FBXL17: variants seen among roughly 807,000 people sequenced by gnomAD.
FBXL17 encodes the protein F-box and leucine rich repeat protein 17.
A neutral mutation model predicts 66.2 loss-of-function variants in FBXL17; 22 were observed. The observed-to-expected ratio is 0.33, with a 90% CI of 0.24 to 0.47. FBXL17 has a LOEUF of 0.47. FBXL17 is among the 20% of genes least tolerant of loss of function. The pLI is 1.00. For missense variants in FBXL17, 878 were observed against 948.2 expected (o/e 0.93, Z 0.97); for synonymous variants, 474 against 400.5 (o/e 1.18, Z -2.19).
At chr5:108,134,952 A>G (rs1751077951) in intron 6 of FBXL17, among the ~76,000 whole-genome samples, 1 of 152,134 alleles carries the variant, frequency 6.6e-6, no homozygotes, top group Non-Finnish European at 1.5e-5. Flanking sequence ...TAATGATGAC[A>G]TCTTCTAAAT....
chr5:108,021,199 T>C (rs1754586827), intron 6 of FBXL17, among the ~76,000 whole-genome samples, 198 bp from the exon 7 acceptor site: 2 of 151,700 alleles, frequency 1.3e-5, no homozygotes, highest in Non-Finnish European at 3.0e-5. Context: ...TTATGACTAG[T>C]GCATCTTTTA....
At chr5:108,205,043 T>C (rs1754059040) in intron 5 of FBXL17, among the ~76,000 whole-genome samples, 2 of 152,002 alleles carry the variant, frequency 1.3e-5, no homozygotes, top group East Asian at 3.9e-4. Flanking sequence ...TCCAAGCAGC[T>C]AGGACCATAG....
Position 108,348,533 on chromosome 5 carries a change from G to A in FBXL17, c.1375-3C>T. 6.2e-7 allele frequency: 1 copy of A among 1,608,932 alleles called. No homozygotes were observed. Among genetic ancestry groups the A allele is most frequent in the Non-Finnish European group, 8.5e-7 (1 of 1,176,440 alleles). Reference sequence around the variant, plus strand: ...AGTTCTCTGCATTTTGAGCCCAGCTGTAAACAAACAGATTTAGCTGAATGC... The same window carrying A: ...AGTTCTCTGCATTTTGAGCCCAGCTATAAACAAACAGATTTAGCTGAATGC... On this transcript the variant is annotated splice_polypyrimidine_tract_variant and splice_region_variant and intron_variant, in intron 3 of 8. Transcript: ENST00000542267.
chr5:107,943,210 T>C (rs944473350), intron 7 of FBXL17, among the ~76,000 whole-genome samples: 4 of 152,164 alleles, frequency 2.6e-5, no homozygotes, highest in African/African-American at 4.8e-5. Context: ...TCCTAAGCTT[T>C]AGAGACATAA....
At chr5:107,898,225 G>A (rs749941518) in intron 7 of FBXL17, among the ~76,000 whole-genome samples, 8 of 152,106 alleles carry the variant, frequency 5.3e-5, no homozygotes, top group Non-Finnish European at 1.2e-4. Context: ...AATGGTGGAA[G>A]AAGAATTGGT....
intron 6 of FBXL17, among the ~76,000 whole-genome samples, chr5:108,062,602 T>C (rs1295807840): frequency 1.3e-5 from 2 of 152,176 alleles, no homozygotes; most frequent in African/African-American, 2.4e-5. Context: ...ATTAAATATA[T>C]AAACTTCCTA....
intron 3 of FBXL17, among the ~76,000 whole-genome samples, chr5:108,356,854 T>C (rs1304557156): frequency 6.6e-6 from 1 of 152,070 alleles, no homozygotes; most frequent in Non-Finnish European, 1.5e-5. Context: ...TGAAGATTTA[T>C]TGATTATAAT....
chr5:107,946,680 T>G (rs1259255117), intron 7 of FBXL17, among the ~76,000 whole-genome samples: 1 of 151,992 alleles, frequency 6.6e-6, no homozygotes, highest in Non-Finnish European at 1.5e-5. Context: ...TGCATAATTT[T>G]TGGGCTGGAG....
rs1453302875 is a variant in FBXL17 at position 108,198,143 on chromosome 5, G to C, written c.1615-11896C>G. 5.9e-5 allele frequency among the ~76,000 whole-genome samples: 9 copies of C among 152,196 alleles called. No individual in the cohort carries two copies. In the South Asian group the frequency reaches 1.9e-3, roughly 32 times the overall value. On this transcript the variant is annotated intron_variant, in intron 5 of 8. Coordinates refer to ENST00000542267, the MANE Select transcript of FBXL17 (RefSeq NM_001163315.3). ...AGGCCCCCGTCAACAGGTCCCTATG[G>C]CTTCTCTCTGTAGAAGAGGTTTACT...
chr5:108,162,439 T>C (rs985759270), intron 6 of FBXL17, among the ~76,000 whole-genome samples: 1 of 152,202 alleles, frequency 6.6e-6, no homozygotes, highest in Admixed American at 6.5e-5. Context: ...AAGGTTACAG[T>C]GACGTATGTC....
At chr5:108,292,605 G>A (rs1758158911) in intron 4 of FBXL17, among the ~76,000 whole-genome samples, 2 of 152,074 alleles carry the variant, frequency 1.3e-5, no homozygotes, top group Admixed American at 6.5e-5. Context: ...CTAGCTGAGG[G>A]ATCATGACCT....
At chr5:108,277,334 A>G (rs932144627) in intron 4 of FBXL17, among the ~76,000 whole-genome samples, 4 of 152,158 alleles carry the variant, frequency 2.6e-5, no homozygotes, top group Non-Finnish European at 5.9e-5. Flanking sequence ...ATGAGAGTGT[A>G]TTGGATTTAT....
intron 7 of FBXL17, among the ~76,000 whole-genome samples, chr5:107,883,483 G>A (rs1022227550): frequency 1.3e-5 from 2 of 151,970 alleles, no homozygotes; most frequent in Non-Finnish European, 2.9e-5. Flanking sequence ...GGGTGGGTGC[G>A]ACGTGGGGTA....
At chr5:107,988,124 T>A (rs1486679212) in intron 7 of FBXL17, among the ~76,000 whole-genome samples, 1 of 151,972 alleles carries the variant, frequency 6.6e-6, no homozygotes, top group African/African-American at 2.4e-5. Flanking sequence ...TTAAAAAATA[T>A]AATTAAAATA....
At chr5:107,960,998 G>A (rs1751880072) in intron 7 of FBXL17, among the ~76,000 whole-genome samples, 1 of 152,122 alleles carries the variant, frequency 6.6e-6, no homozygotes, top group Non-Finnish European at 1.5e-5. Context: ...GGTAGGATGG[G>A]TGCCAGAGAA....
At chr5:108,215,865 T>C (rs1042877874) in intron 5 of FBXL17, among the ~76,000 whole-genome samples, 5 of 152,184 alleles carry the variant, frequency 3.3e-5, no homozygotes, top group African/African-American at 9.7e-5. Flanking sequence ...CATGTTATAG[T>C]TAATTTTTAT....
Position 108,230,487 on chromosome 5 carries a change from A to C in FBXL17, c.1507-6259T>G, listed in dbSNP as rs1391844011. ...ACTCAGGAATGGAAAAACAAACATC[A>C]TATGTTCTCACTCATAAGTGGGAGC... is the stretch of plus-strand genomic sequence containing the variant. On this transcript the variant is annotated intron_variant, in intron 4 of 8. Transcript: ENST00000542267. Among the ~76,000 whole-genome samples, 4 of 152,268 alleles carry C rather than the reference A, an allele frequency of 2.6e-5. 1 individual carries two copies. The highest frequency in any genetic ancestry group is 9.6e-5 in the African/African-American group (4 of 41,564).
intron 6 of FBXL17, among the ~76,000 whole-genome samples, chr5:108,169,964 A>G (rs1752545826): frequency 6.6e-6 from 1 of 152,224 alleles, no homozygotes; most frequent in Admixed American, 6.5e-5. Flanking sequence ...ACAATGTAAC[A>G]TTCTAAAAAA....
At chr5:107,973,997 G>C (rs952649500) in intron 7 of FBXL17, among the ~76,000 whole-genome samples, 4 of 152,106 alleles carry the variant, frequency 2.6e-5, no homozygotes, top group Admixed American at 6.6e-5. Context: ...GCCTGTGTAA[G>C]TTAATACTTC....
Sources: allele counts gnomAD v4.1 joint callset (sites outside exome capture counted in the v4.1 genomes callset), GRCh38; gene constraint gnomAD v4.1.1; transcripts MANE v1.5; gene names NCBI Gene and HGNC (gene_info 2026-07-23, HGNC 2026-07-21).